The following ADGRB3 variants were observed in gnomAD, a reference collection of about 807,000 sequenced individuals.
ADGRB3 encodes the protein adhesion G protein-coupled receptor B3.
ADGRB3 carries 37 observed loss-of-function variants against 193.4 expected under a neutral mutation model. The ratio of observed to expected loss-of-function variants is 0.19; its 90% confidence interval spans 0.15 to 0.25. ADGRB3 has a LOEUF of 0.25. Among genes scored for constraint, ADGRB3 ranks in the 10% least tolerant of loss-of-function variants. The pLI is 1.00. For synonymous variants in ADGRB3, 690 were observed against 644.2 expected (o/e 1.07, Z -1.08); for missense variants, 1,637 against 1,852.9 (o/e 0.88, Z 2.14).
intron 3 of ADGRB3, among the ~76,000 whole-genome samples, chr6:68,871,672 A>G (rs1054570784): frequency 6.6e-6 from 1 of 152,240 alleles, no homozygotes; most frequent in East Asian, 1.9e-4. Context: ...ACATTCTTCC[A>G]TTTGAAGTTT....
intron 20 of ADGRB3, among the ~76,000 whole-genome samples, chr6:69,241,849 G>C (rs989882013): frequency 3.3e-5 from 5 of 151,950 alleles, no homozygotes; most frequent in African/African-American, 1.2e-4. Context: ...GGGAGGAGTG[G>C]GTGGTAAGTG....
At chr6:69,304,589 A>C (rs1238754422) in intron 20 of ADGRB3, among the ~76,000 whole-genome samples, 6 of 151,496 alleles carry the variant, frequency 4.0e-5, no homozygotes, top group African/African-American at 1.5e-4. Flanking sequence ...TTTGACAGTT[A>C]TATTTTGTCA....
At chr6:69,266,192 T>C (rs564791204) in intron 20 of ADGRB3, among the ~76,000 whole-genome samples, 3 of 152,140 alleles carry the variant, frequency 2.0e-5, no homozygotes, top group South Asian at 4.1e-4. Flanking sequence ...AATATTTACT[T>C]AATAATTAAA....
chr6:68,813,281 A>G (rs1767556595), intron 3 of ADGRB3, among the ~76,000 whole-genome samples: 1 of 152,222 alleles, frequency 6.6e-6, no homozygotes, highest in Non-Finnish European at 1.5e-5. Flanking sequence ...TGGAACTGTA[A>G]GTCAAATTAA....
At chr6:69,276,574 G>T (rs1392595458) in intron 20 of ADGRB3, among the ~76,000 whole-genome samples, 1 of 152,106 alleles carries the variant, frequency 6.6e-6, no homozygotes, top group Non-Finnish European at 1.5e-5. Context: ...TACAATATGT[G>T]AAGTGCTTCT....
chr6:69,359,831 C>G (rs1769414657), intron 28 of ADGRB3, among the ~76,000 whole-genome samples: 1 of 151,834 alleles, frequency 6.6e-6, no homozygotes, highest in East Asian at 1.9e-4. Context: ...CAGCGCTATT[C>G]TGTGTGCTTT....
intron 13 of ADGRB3, among the ~76,000 whole-genome samples, chr6:69,040,307 C>CTCTTTCTTTCTTTCTTTCTTTCTTTCTT (rs58811960): frequency 9.5e-4 from 90 of 94,804 alleles, no homozygotes; most frequent in South Asian, 1.9e-3. Flanking sequence ...CTTTCTCTGT[C>CTCTTTCTTTCTTTCTTTCTTTCTTTCTT]TCTTTCTTTC....
At chr6:68,810,631 G>A (rs1767492750) in intron 3 of ADGRB3, among the ~76,000 whole-genome samples, 1 of 152,114 alleles carries the variant, frequency 6.6e-6, no homozygotes, top group African/African-American at 2.4e-5. Context: ...GTTCTTTATG[G>A]TTGCACAATG....
intron 26 of ADGRB3, among the ~76,000 whole-genome samples, chr6:69,344,080 C>T (rs1174843790): frequency 6.6e-6 from 1 of 152,162 alleles, no homozygotes; most frequent in Non-Finnish European, 1.5e-5. Context: ...CTAAGACAGT[C>T]TTACAGCTCT....
intron 20 of ADGRB3, among the ~76,000 whole-genome samples, chr6:69,271,777 A>T (rs902943096): frequency 6.6e-6 from 1 of 152,094 alleles, no homozygotes; most frequent in African/African-American, 2.4e-5. Flanking sequence ...CAATTACAGG[A>T]TGAAATGTTA....
intron 13 of ADGRB3, among the ~76,000 whole-genome samples, chr6:69,024,131 G>A (rs932599393): frequency 3.3e-5 from 5 of 152,128 alleles, no homozygotes; most frequent in Middle Eastern, 3.4e-3. Context: ...TAGAAGAGAC[G>A]TAAGGTGATA....
At chr6:69,210,898 G>A (rs959531534) in intron 17 of ADGRB3, among the ~76,000 whole-genome samples, 44 of 151,878 alleles carry the variant, frequency 2.9e-4, no homozygotes, top group African/African-American at 9.2e-4. Context: ...GGCGGATCAC[G>A]AGGTCAGGAG....
At chr6:69,268,560 A>G (rs528219641) in intron 20 of ADGRB3, among the ~76,000 whole-genome samples, 58 of 152,258 alleles carry the variant, frequency 3.8e-4, no homozygotes, top group African/African-American at 1.3e-3. Flanking sequence ...CATTTAAGGC[A>G]TCTACACAAA....
chr6:68,922,103 A>C (rs947080831), intron 3 of ADGRB3, among the ~76,000 whole-genome samples: 1 of 152,240 alleles, frequency 6.6e-6, no homozygotes, highest in African/African-American at 2.4e-5. Flanking sequence ...TTTTCATTCA[A>C]TATTTCATAA....
intron 3 of ADGRB3, among the ~76,000 whole-genome samples, chr6:68,895,989 T>A (rs767431125): frequency 8.5e-5 from 13 of 152,082 alleles, no homozygotes; most frequent in Non-Finnish European, 1.6e-4. Flanking sequence ...TTGTGTGGGT[T>A]ACAATTTCAC....
intron 3 of ADGRB3, among the ~76,000 whole-genome samples, chr6:68,674,723 G>T (rs1769045863): frequency 1.3e-5 from 2 of 152,172 alleles, no homozygotes; most frequent in Non-Finnish European, 2.9e-5. Flanking sequence ...CTATAGAGAT[G>T]CAAAGAACAA....
At chr6:69,039,742 C>CTTTTTTTT (rs34543678) in intron 13 of ADGRB3, among the ~76,000 whole-genome samples, 1 of 130,238 alleles carries the variant, frequency 7.7e-6, no homozygotes. Context: ...TTGTTTTTTT[C>CTTTTTTTT]TTTTTTTTTT....
rs540032536 is a variant in ADGRB3 at position 68,753,631 on chromosome 6, C to T, written c.757+114199C>T. Among the ~76,000 whole-genome samples, 12 of 151,962 alleles carry T rather than the reference C, an allele frequency of 7.9e-5. No individual in the cohort carries two copies. The East Asian group carries it at 1.2e-3, about 15-fold the overall frequency. ...TTCTTTAATAGAGAGGGGCAAGTAACGGGAATATGAAGAACGTGACAGACT... is the reference window on the plus strand; with the variant it reads ...TTCTTTAATAGAGAGGGGCAAGTAATGGGAATATGAAGAACGTGACAGACT... On this transcript the variant is annotated intron_variant, in intron 3 of 31. Transcript: ENST00000370598.
Position 68,978,602 on chromosome 6 carries a change from G to C in ADGRB3, c.1734+3262G>C, listed in dbSNP as rs535667069. Among the ~76,000 whole-genome samples the C allele has an allele frequency of 5.2e-4, 79 of 151,576 alleles. 2 individuals are homozygous for C. Among genetic ancestry groups the C allele is most frequent in the African/African-American group, 1.9e-3 (77 of 41,528 alleles). On this transcript the variant is annotated intron_variant, in intron 10 of 31. Coordinates refer to ENST00000370598, the MANE Select transcript of ADGRB3 (RefSeq NM_001704.3). ...CACTCTGCATACTCAATTGGAAACAGAAATGAGATCAACATTTCTGCATAG... is the reference window on the plus strand; with the variant it reads ...CACTCTGCATACTCAATTGGAAACACAAATGAGATCAACATTTCTGCATAG...
Sources: gnomAD v4.1 joint callset for allele counts (sites outside exome capture counted in the v4.1 genomes callset) on GRCh38, gnomAD v4.1.1 for gene constraint, MANE v1.5 for transcripts, NCBI Gene and HGNC (gene_info 2026-07-23, HGNC 2026-07-21) for gene names.